BLVRB: variants seen among roughly 807,000 people sequenced by gnomAD.
The protein encoded by BLVRB is flavin reductase (NADPH).
Under a neutral mutation model 21.1 loss-of-function variants are expected in BLVRB, and 25 were observed. The observed-to-expected ratio is 1.19, with a 90% CI of 0.86 to 1.66. The LOEUF is 1.66. Ranked by LOEUF, BLVRB falls within the 40% of genes most tolerant of loss-of-function variation. The pLI is 0.00. For missense variants in BLVRB, 274 were observed against 282.7 expected, an observed-to-expected ratio of 0.97 and a Z score of 0.22; for synonymous variants, 128 against 122.2, an observed-to-expected ratio of 1.05 and a Z score of -0.31.
chr19:40,464,320 C>G (rs556821187), intron 1 of BLVRB, among the ~76,000 whole-genome samples: 45 of 152,156 alleles, frequency 3.0e-4, no homozygotes, highest in Non-Finnish European at 5.3e-4. Context: ...TCTCAAACTC[C>G]TGGCCTCAAG....
intron 3 of BLVRB, among the ~76,000 whole-genome samples, chr19:40,454,497 C>T (rs2079753908): frequency 6.6e-6 from 1 of 151,932 alleles, no homozygotes; most frequent in Admixed American, 6.6e-5. Context: ...CTGCAGCCTC[C>T]AGTCTCCAGT....
intron 2 of BLVRB, 50 bp downstream of exon 2, chr19:40,458,331 T>A (rs1395411575): frequency 7.1e-7 from 1 of 1,406,588 alleles, no homozygotes; most frequent in Non-Finnish European, 9.4e-7. Flanking sequence ...GGGGTGGCGC[T>A]GGGGGCCGAG....
At chr19:40,455,919 C>A (rs1367164749) in intron 3 of BLVRB, among the ~76,000 whole-genome samples, 2 of 151,962 alleles carry the variant, frequency 1.3e-5, no homozygotes, top group African/African-American at 4.8e-5. Flanking sequence ...CGGGACCAGC[C>A]TGGGCAACAT....
chr19:40,460,247 C>CATATATATATATATATATATATAT (rs57153004), intron 1 of BLVRB, among the ~76,000 whole-genome samples: 61 of 121,116 alleles, frequency 5.0e-4, no homozygotes, highest in Admixed American at 1.3e-3. Context: ...GTAATAGCAA[C>CATATATATATATATATATATATAT]ATATATATAT....
intron 3 of BLVRB, among the ~76,000 whole-genome samples, chr19:40,452,446 G>A (rs930975164): frequency 2.1e-4 from 32 of 152,002 alleles, no homozygotes; most frequent in Non-Finnish European, 1.9e-4. Flanking sequence ...CTGAGGAGCT[G>A]GGACCACAGG....
chr19:40,452,482 T>TA (rs2079744074), intron 3 of BLVRB, among the ~76,000 whole-genome samples: 1 of 151,754 alleles, frequency 6.6e-6, no homozygotes, highest in Non-Finnish European at 1.5e-5. Flanking sequence ...CCCACTATTT[T>TA]TTTTTTTTTT....
chr19:40,465,022 C>G (rs898501189), intron 1 of BLVRB, among the ~76,000 whole-genome samples: 3 of 152,178 alleles, frequency 2.0e-5, no homozygotes, highest in Non-Finnish European at 4.4e-5. Context: ...TCACTCATGT[C>G]TCTCTGTGAC....
intron 1 of BLVRB, among the ~76,000 whole-genome samples, chr19:40,464,724 C>A (rs2079803122): frequency 6.6e-6 from 1 of 152,180 alleles, no homozygotes; most frequent in Non-Finnish European, 1.5e-5. Context: ...GAGTTATGGA[C>A]CTAGAGAAGA....
chr19:40,456,848 G>A (rs2079764254), intron 3 of BLVRB, among the ~76,000 whole-genome samples: 2 of 152,108 alleles, frequency 1.3e-5, no homozygotes, highest in Admixed American at 6.6e-5. Context: ...CCCGGGAGGT[G>A]GAGTGGCGGT....
At chr19:40,460,972 C>CAAACAAAACA (rs202183119) in intron 1 of BLVRB, among the ~76,000 whole-genome samples, 68 of 151,572 alleles carry the variant, frequency 4.5e-4, no homozygotes, top group African/African-American at 5.3e-4. Context: ...AACTCCGTCT[C>CAAACAAAACA]AAACAAAACA....
intron 1 of BLVRB, among the ~76,000 whole-genome samples, chr19:40,460,276 T>TATATATATATACA (rs1479336698): frequency 1.0e-5 from 1 of 99,894 alleles, no homozygotes; most frequent in African/African-American, 4.7e-5. Flanking sequence ...ATATATATAT[T>TATATATATATACA]TAGAGACAGG....
chr19:40,464,228 G>A (rs576375372), intron 1 of BLVRB, among the ~76,000 whole-genome samples: 9 of 152,148 alleles, frequency 5.9e-5, no homozygotes, highest in East Asian at 1.9e-4. Context: ...TGGGACTACA[G>A]GCATGCATCA....
At position 40,448,141 on chromosome 19, in the gene BLVRB, G is replaced by A. The variant is rs1367380659; in HGVS notation, c.464-95C>T. On this transcript the variant is annotated intron_variant, in intron 4 of 4. Coordinates refer to ENST00000263368, the MANE Select transcript of BLVRB (RefSeq NM_000713.3). ...GAAAGACCTTCCCAGGGTGCCTACT[G>A]TGTGTCCAGCCTGGGTGGTGTCACA... The A allele has an allele frequency of 8.0e-6, 11 of 1,375,180 alleles. No homozygotes were observed. In the East Asian group the frequency reaches 2.5e-4, roughly 31 times the overall value. 85.2% of individuals were successfully genotyped at this position (1,375,180 alleles called of 1,614,324 possible). A position where few individuals can be genotyped will look rare whatever the true frequency, so the allele number is the denominator to read the frequency against.
At position 40,458,421 on chromosome 19, in the gene BLVRB, C is replaced by G; in HGVS notation, c.204G>C (p.Gln68His). ...TGCCCAGCAGCACGATGACAGCGTC[C>G]TGCCCAGCCACGGTCTTGTCCACAT... ...AADVDKTVAG[Q>H]DAVIVLLGTR... The change falls in exon 2 of 5, where the codon CAG becomes CAC. Residue 68 changes from glutamine (Q) to histidine (H), a missense_variant. Coordinates refer to ENST00000263368, the MANE Select transcript of BLVRB (RefSeq NM_000713.3). 6.3e-7 allele frequency: 1 copy of G among 1,593,366 alleles called. No individual in the cohort carries two copies. Among genetic ancestry groups the G allele is most frequent in the East Asian group, 2.3e-5 (1 of 43,846 alleles).
At chr19:40,460,671 C>T (rs1229068234) in intron 1 of BLVRB, among the ~76,000 whole-genome samples, 1 of 151,822 alleles carries the variant, frequency 6.6e-6, no homozygotes, top group Non-Finnish European at 1.5e-5. Context: ...CTACCTGGCA[C>T]AGAAATAAGA....
intron 4 of BLVRB, among the ~76,000 whole-genome samples, chr19:40,450,825 C>T (rs1208099841): frequency 6.6e-6 from 1 of 151,566 alleles, no homozygotes; most frequent in African/African-American, 2.4e-5. Context: ...AGGTGTGAAC[C>T]ACCATGCCTG....
intron 1 of BLVRB, among the ~76,000 whole-genome samples, chr19:40,463,497 A>G (rs570702194): frequency 5.1e-4 from 78 of 151,958 alleles, no homozygotes; most frequent in African/African-American, 1.9e-3. Flanking sequence ...CTACAGAACC[A>G]TTGTGAACTC....
At chr19:40,462,587 G>A (rs948999576) in intron 1 of BLVRB, among the ~76,000 whole-genome samples, 1 of 147,346 alleles carries the variant, frequency 6.8e-6, no homozygotes, top group Non-Finnish European at 1.5e-5. Flanking sequence ...CTCTTTTTAA[G>A]CTTTTTGAAA....
chr19:40,465,460 C>G, intron 1 of BLVRB, 150 bp downstream of exon 1: 1 of 911,744 alleles, frequency 1.1e-6, no homozygotes, highest in Admixed American at 2.4e-5. Flanking sequence ...CCATTTCTGC[C>G]CCCGTGGCCA....
Sources: allele counts gnomAD v4.1 joint callset (sites outside exome capture counted in the v4.1 genomes callset), GRCh38; gene constraint gnomAD v4.1.1; transcripts MANE v1.5; gene names NCBI Gene and HGNC (gene_info 2026-07-23, HGNC 2026-07-21).